Variants in FGD6 observed in about 807,000 individuals in gnomAD.
FGD6 encodes FYVE, RhoGEF and PH domain-containing protein 6.
Under a neutral mutation model 149.4 loss-of-function variants are expected in FGD6, and 90 were observed. That is an observed-to-expected ratio of 0.60 (90% CI 0.51 to 0.72). The LOEUF (loss-of-function observed/expected upper bound fraction) is 0.72. Among genes scored for constraint, FGD6 ranks in the 30% least tolerant of loss-of-function variants. FGD6 has a pLI of 0.00. For synonymous variants in FGD6, 527 were observed against 584.0 expected (o/e 0.90, Z 1.41); for missense variants, 1,437 against 1,684.8 (o/e 0.85, Z 2.57).
chr12:95,142,373 G>C (rs1879877205), intron 5 of FGD6, among the ~76,000 whole-genome samples: 1 of 152,000 alleles, frequency 6.6e-6, no homozygotes, highest in South Asian at 2.1e-4. Flanking sequence ...TCGAATTCCT[G>C]ACCTTCTGAT....
chr12:95,142,780 T>TC (rs1156923318), intron 5 of FGD6, among the ~76,000 whole-genome samples: 3 of 152,214 alleles, frequency 2.0e-5, no homozygotes, highest in African/African-American at 7.2e-5. Flanking sequence ...CCTGAAATTC[T>TC]CCCCTCCCTC....
At chr12:95,113,409 T>C (rs2136244428) in intron 9 of FGD6, among the ~76,000 whole-genome samples, 1 of 151,726 alleles carries the variant, frequency 6.6e-6, no homozygotes, top group South Asian at 2.1e-4. Flanking sequence ...GTTTTTGTAT[T>C]TTTTTTAGTA....
chr12:95,193,530 G>GTT (rs754634855), intron 2 of FGD6, among the ~76,000 whole-genome samples: 168 of 129,170 alleles, frequency 1.3e-3, no homozygotes, highest in African/African-American at 2.8e-3. Flanking sequence ...GTTAATTCTT[G>GTT]TTTTTTTTTT....
intron 3 of FGD6, among the ~76,000 whole-genome samples, chr12:95,155,253 G>A (rs528987591): frequency 4.3e-4 from 65 of 152,266 alleles, no homozygotes; most frequent in Middle Eastern, 3.4e-3. Flanking sequence ...CAGGCCGGGC[G>A]CACTGGCTCA....
intron 5 of FGD6, among the ~76,000 whole-genome samples, chr12:95,142,736 G>T (rs886890525): frequency 1.3e-5 from 2 of 152,146 alleles, no homozygotes; most frequent in Non-Finnish European, 2.9e-5. Context: ...TTGCAATGCA[G>T]TTGGCACACA....
In FGD6 at chr12:95,211,244, G is replaced by C. The variant is rs1377199936; in HGVS notation, c.40C>G (p.Pro14Ala). The change falls in exon 2 of 21, where the codon CCC (proline) becomes GCC (alanine). Residue 14 changes from proline (P) to alanine (A), a missense_variant. This residue lies in a region of FGD6 where 1,055 missense variants were observed against 1,146.0 expected (regional missense o/e 0.92). Coordinates refer to ENST00000343958, the MANE Select transcript of FGD6 (RefSeq NM_018351.4). ...TTTGCCACAACAAACTTGGGCTTGGGGGCCACTGGTGGCTTCTTTATCTCT... is the reference window on the plus strand; with the variant it reads ...TTTGCCACAACAAACTTGGGCTTGGCGGCCACTGGTGGCTTCTTTATCTCT... Reference protein sequence around the residue: ...AAEIKKPPVAPKPKFVVANNK... With the variant: ...AAEIKKPPVAAKPKFVVANNK... The C allele has an allele frequency of 6.3e-7, 1 of 1,588,620 alleles. No individual in the cohort carries two copies. Among genetic ancestry groups the C allele is most frequent in the Admixed American group, 1.8e-5 (1 of 54,506 alleles).
chr12:95,180,233 AG>A (rs1398896952), intron 2 of FGD6, among the ~76,000 whole-genome samples: 5 of 152,264 alleles, frequency 3.3e-5, no homozygotes, highest in African/African-American at 1.2e-4. Flanking sequence ...CCATGTAAAA[AG>A]TGTGTATATT....
chr12:95,131,057 T>C (rs1321953577), intron 8 of FGD6, among the ~76,000 whole-genome samples: 1 of 151,744 alleles, frequency 6.6e-6, no homozygotes, highest in African/African-American at 2.4e-5. Context: ...ATCTCTAATA[T>C]AAATGTTGTC....
intron 5 of FGD6, 114 bp from the exon 6 acceptor site, chr12:95,141,653 C>T (rs996381908): frequency 8.4e-7 from 1 of 1,185,238 alleles, no homozygotes. Flanking sequence ...CTGTATTTCT[C>T]ATGCAGAATT....
At chr12:95,213,801 C>T (rs2056739626) in intron 1 of FGD6, among the ~76,000 whole-genome samples, 1 of 152,180 alleles carries the variant, frequency 6.6e-6, no homozygotes, top group Non-Finnish European at 1.5e-5. Flanking sequence ...TAGCAAAGTC[C>T]TATTACGTAC....
At chr12:95,167,867 G>A (rs1183357239) in intron 3 of FGD6, among the ~76,000 whole-genome samples, 1 of 151,888 alleles carries the variant, frequency 6.6e-6, no homozygotes, top group South Asian at 2.1e-4. Context: ...GAGCCCCCGC[G>A]CCCAGCCAAA....
chr12:95,204,994 A>G (rs901368513), intron 2 of FGD6, among the ~76,000 whole-genome samples: 25 of 152,234 alleles, frequency 1.6e-4, no homozygotes, highest in African/African-American at 6.0e-4. Context: ...TAGGCTAGGC[A>G]TGGTGGCTGA....
chr12:95,163,352 A>G (rs549226652), intron 3 of FGD6, among the ~76,000 whole-genome samples: 68 of 151,700 alleles, frequency 4.5e-4, no homozygotes, highest in Non-Finnish European at 8.0e-4. Context: ...CAACACTCCA[A>G]CTTTTTTTTT....
chr12:95,081,678 T>C (rs1296612614), intron 20 of FGD6, 122 bp from the exon 21 acceptor site: 2 of 359,250 alleles, frequency 5.6e-6, no homozygotes, highest in Non-Finnish European at 9.4e-6. Context: ...GATATATATA[T>C]ATATGTATTT....
At chr12:95,163,636 G>A (rs2136278897) in intron 3 of FGD6, among the ~76,000 whole-genome samples, 1 of 152,306 alleles carries the variant, frequency 6.6e-6, no homozygotes, top group East Asian at 1.9e-4. Context: ...TGCTTTTGAA[G>A]ATGTGTTGCA....
intron 2 of FGD6, among the ~76,000 whole-genome samples, chr12:95,192,369 T>C (rs925900164): frequency 6.6e-6 from 1 of 152,258 alleles, no homozygotes; most frequent in Non-Finnish European, 1.5e-5. Context: ...TACTGTTTGA[T>C]ATGTAGTTAA....
chr12:95,083,030 T>TATATATATATATACACACACACAC (rs772685891), intron 20 of FGD6, among the ~76,000 whole-genome samples: 1 of 56,576 alleles, frequency 1.8e-5, no homozygotes. Context: ...TATATATATA[T>TATATATATATATACACACACACAC]ACACACACAT....
At chr12:95,182,272 G>A (rs1056268039) in intron 2 of FGD6, among the ~76,000 whole-genome samples, 1 of 135,014 alleles carries the variant, frequency 7.4e-6, no homozygotes, top group Non-Finnish European at 1.5e-5. Context: ...GCATGATCTT[G>A]GCTCACTGCA....
rs1372273855 is a variant in FGD6, at chr12:95,210,492, A to G, written c.792T>C (p.Asn264=). The change falls in exon 2 of 21, where the codon AAT becomes AAC. Residue 264 remains asparagine, a synonymous_variant. Coordinates refer to ENST00000343958, the MANE Select transcript of FGD6 (RefSeq NM_018351.4). ...ETCQDDSEKS[N]NCFQSSELEA... Reference sequence around the variant, plus strand: ...CTAGTTCAGATGACTGAAAGCAATTATTGCTTTTTTCACTGTCATCCTGGC... The same window carrying G: ...CTAGTTCAGATGACTGAAAGCAATTGTTGCTTTTTTCACTGTCATCCTGGC... 4 of 1,613,974 alleles carry G rather than the reference A, an allele frequency of 2.5e-6. No individual in the cohort carries two copies. The highest frequency in any genetic ancestry group is 3.4e-6 in the Non-Finnish European group (4 of 1,179,988).
Sources: gnomAD v4.1 joint callset for allele counts (sites outside exome capture counted in the v4.1 genomes callset) on GRCh38, gnomAD v4.1.1 for gene constraint, gnomAD v4.1.1 regional missense constraint, MANE v1.5 for transcripts, NCBI Gene and HGNC (gene_info 2026-07-23, HGNC 2026-07-21) for gene names.